MYH13: variants seen among roughly 807,000 people sequenced by gnomAD.
MYH13 encodes the protein myosin-13.
Under a neutral mutation model 232.1 loss-of-function variants are expected in MYH13, and 177 were observed. The observed-to-expected ratio is 0.76, with a 90% confidence interval of 0.67 to 0.86. The LOEUF is 0.86. Among genes scored for constraint, MYH13 ranks in the 40% least tolerant of loss-of-function variants. The probability of loss-of-function intolerance (pLI) is 0.00; values close to 1 mark genes in which losing one functional copy is unlikely to be tolerated. For missense variants in MYH13, 2,246 were observed against 2,405.9 expected (o/e 0.93, Z 1.39); for synonymous variants, 884 against 923.5 (o/e 0.96, Z 0.78).
chr17:10,367,540 GT>G (rs2071847020), intron 2 of MYH13, among the ~76,000 whole-genome samples: 1 of 151,992 alleles, frequency 6.6e-6, no homozygotes, highest in Non-Finnish European at 1.5e-5. Context: ...GTACAGACGG[GT>G]TTTCACCATG....
chr17:10,339,129 G>A (rs2071601372), intron 18 of MYH13, among the ~76,000 whole-genome samples: 2 of 150,470 alleles, frequency 1.3e-5, no homozygotes, highest in African/African-American at 4.9e-5. Context: ...CACTCATAAT[G>A]TTGCAGAGGC....
chr17:10,330,633 G>A, intron 20 of MYH13, 110 bp from the exon 21 acceptor site: 1 of 1,397,174 alleles, frequency 7.2e-7, no homozygotes, highest in Non-Finnish European at 9.5e-7. Flanking sequence ...TCAGAGCACG[G>A]CAGGGGCAGC....
At chr17:10,358,209 A>T (rs575225179) in intron 7 of MYH13, among the ~76,000 whole-genome samples, 1 of 152,298 alleles carries the variant, frequency 6.6e-6, no homozygotes, top group South Asian at 2.1e-4. Context: ...TTGTCTTCAG[A>T]AGGAGAAATA....
At chr17:10,345,121 C>G (rs2071652026) in intron 15 of MYH13, 81 bp downstream of exon 15, 2 of 1,610,070 alleles carry the variant, frequency 1.2e-6, no homozygotes, top group Non-Finnish European at 1.7e-6. Context: ...GGGCCCCAAT[C>G]TGTGAGCAGA....
chr17:10,330,395 C>T lies in MYH13; in HGVS notation c.2427G>A (p.Met809Ile), dbSNP rs1338939800. ...YLMRVEFKKM[M>I]ERRDSIFCIQ... ...GTGAGGGTCTGTGTCACCTCCTCTC[C>T]ATCATCTTCTTGAACTCCACCCGCA... is the stretch of plus-strand genomic sequence containing the variant. The change falls in exon 21 of 41, where the codon ATG becomes ATA. Residue 809 changes from methionine (M) to isoleucine (I), a missense_variant. Transcript: ENST00000252172. 1.9e-6 allele frequency: 3 copies of T among 1,613,622 alleles called. No individual in the cohort carries two copies. The highest frequency in any genetic ancestry group is 1.7e-5 in the Admixed American group (1 of 59,992).
In MYH13 at chr17:10,357,614, A is replaced by G. The variant is rs943369547; in HGVS notation, c.738+121T>C. The G allele has an allele frequency of 4.5e-5, 36 of 798,528 alleles. No individual in the cohort carries two copies. The East Asian group carries it at 5.6e-4, about 13-fold the overall frequency. 49.5% of individuals were successfully genotyped at this position (798,528 alleles called of 1,614,324 possible). ...ATTCCAGGTGGGTAGATTGATCTCA[A>G]TCACTTGGGGGTAGAAAAAGGCCCC... On this transcript the variant is annotated intron_variant, in intron 8 of 40. Coordinates refer to ENST00000252172, the MANE Select transcript of MYH13 (RefSeq NM_003802.3).
chr17:10,324,377 T>G, intron 22 of MYH13, 113 bp from the exon 23 acceptor site: 1 of 1,232,798 alleles, frequency 8.1e-7, no homozygotes, highest in Non-Finnish European at 1.1e-6. Flanking sequence ...AAATGGGTCA[T>G]GCACACACAT....
chr17:10,312,077 C>CTGGGAGATGACAAAGGGACA lies in MYH13; in HGVS notation c.4366-21_4366-2dup. On this transcript the variant is annotated splice_acceptor_variant, in intron 31 of 40. Transcript: ENST00000252172. LOFTEE classifies it high-confidence loss of function. ...GCTTTTGCTTCCACTCTGCAAGGAC[C>CTGGGAGATGACAAAGGGACA]TGGGAGATGACAAAGGGACATGGGA... 16 of 1,613,482 alleles carry CTGGGAGATGACAAAGGGACA rather than the reference C, an allele frequency of 9.9e-6. No homozygotes were observed. Among genetic ancestry groups the CTGGGAGATGACAAAGGGACA allele is most frequent in the Non-Finnish European group, 1.4e-5 (16 of 1,179,872 alleles).
intron 39 of MYH13, among the ~76,000 whole-genome samples, chr17:10,302,737 GAGGGAGTT>G (rs1188512711): frequency 6.6e-6 from 1 of 152,118 alleles, no homozygotes; most frequent in Non-Finnish European, 1.5e-5. Flanking sequence ...GGATGGAGTG[GAGGGAGTT>G]AGGGAGGGCT....
rs374021434 is a variant in MYH13 at position 10,306,416 on chromosome 17, G to A, written c.5466+43C>T. The A allele has an allele frequency of 5.6e-6, 9 of 1,612,876 alleles. No homozygotes were observed. Among genetic ancestry groups the A allele is most frequent in the African/African-American group, 5.3e-5 (4 of 74,816 alleles). ...CAGTTTCTGGACTGTGGTTCTGTCCGAGGCTGTCACTTTCAGAGTAACAGT... is the reference window on the plus strand; with the variant it reads ...CAGTTTCTGGACTGTGGTTCTGTCCAAGGCTGTCACTTTCAGAGTAACAGT... On this transcript the variant is annotated intron_variant, in intron 37 of 40. Coordinates refer to ENST00000252172, the MANE Select transcript of MYH13 (RefSeq NM_003802.3). The surrounding 1 kb of genome is among the most constrained non-coding windows in gnomAD (Gnocchi z 4.3).
intron 7 of MYH13, among the ~76,000 whole-genome samples, chr17:10,359,419 C>A (rs924588830): frequency 1.3e-5 from 2 of 152,174 alleles, no homozygotes; most frequent in African/African-American, 4.8e-5. Flanking sequence ...AGAGACCCTG[C>A]CCCTCCCCCA....
chr17:10,345,795 C>G (rs1354804463), intron 13 of MYH13, among the ~76,000 whole-genome samples, 179 bp from the exon 14 acceptor site: 1 of 151,996 alleles, frequency 6.6e-6, no homozygotes, highest in African/African-American at 2.4e-5. Context: ...GAGTTCAAGA[C>G]CATCCTGGCC....
intron 39 of MYH13, 21 bp from the exon 40 acceptor site, chr17:10,301,724 G>A: frequency 3.7e-6 from 6 of 1,611,568 alleles, no homozygotes; most frequent in Non-Finnish European, 5.1e-6. Context: ...GACAGAGGGG[G>A]TATGACGCTG....
rs932374795 is a variant in MYH13, at chr17:10,309,946, A to T, written c.4657-116T>A. 3.9e-3 allele frequency: 2,722 copies of T among 692,120 alleles called. 41 individuals are homozygous for T. In the African/African-American group the frequency reaches 0.043, roughly 11 times the overall value. 42.9% of individuals were successfully genotyped at this position (692,120 alleles called of 1,614,324 possible). Reference sequence around the variant, plus strand: ...GTTTTTTTAAAAAAATTAAATTTAAATTTTTTTTTTTTTTTGGTAGAGACA... The same window carrying T: ...GTTTTTTTAAAAAAATTAAATTTAATTTTTTTTTTTTTTTTGGTAGAGACA... On this transcript the variant is annotated intron_variant, in intron 33 of 40. Transcript: ENST00000252172.
chr17:10,319,552 A>G (rs1490229267), intron 26 of MYH13, among the ~76,000 whole-genome samples: 2 of 151,946 alleles, frequency 1.3e-5, no homozygotes, highest in East Asian at 1.9e-4. Context: ...AATTGGTGAA[A>G]AAACTTGGAA....
intron 33 of MYH13, 35 bp downstream of exon 33, chr17:10,311,068 C>T: frequency 6.2e-7 from 1 of 1,612,368 alleles, no homozygotes; most frequent in Non-Finnish European, 8.5e-7. Context: ...TCCCTGTCCT[C>T]CTGAATTTCT....
In MYH13 at chr17:10,315,798, G is replaced by A. The variant is rs764016914; in HGVS notation, c.3879C>T (p.His1293=). 1 of 1,613,904 alleles carries A rather than the reference G, an allele frequency of 6.2e-7. No individual in the cohort carries two copies. Among genetic ancestry groups the A allele is most frequent in the South Asian group, 1.1e-5 (1 of 91,072 alleles). ...TCAGAGACTCCTTCTCTTCCACTCG[G>A]TGGCTCAGCTCCCCTACCAAACAGA... ...RLQTQNGELS[H]RVEEKESLIS... is the part of the protein sequence containing the mutation. Residue 1293 remains histidine (H), a synonymous_variant, in exon 29 of 41, where the codon CAC becomes CAT. Transcript: ENST00000252172.
intron 22 of MYH13, 138 bp from the exon 23 acceptor site, chr17:10,324,402 A>C (rs1907121583): frequency 9.8e-6 from 9 of 921,846 alleles, no homozygotes; most frequent in Non-Finnish European, 1.5e-5. Context: ...GCACATGTGC[A>C]CACACTGCAC....
In MYH13 at chr17:10,306,834, C is replaced by A; in HGVS notation, c.5295+105G>T. On this transcript the variant is annotated intron_variant, in intron 36 of 40. Coordinates refer to ENST00000252172, the MANE Select transcript of MYH13 (RefSeq NM_003802.3). This position sits in a 1 kb window ranked among gnomAD's most constrained non-coding sequence, Gnocchi z 4.3. The stretch of plus-strand genomic sequence containing the variant: ...CATCTGTCTGGGAAGCCACCACTAA[C>A]CGATTGTTGTCATAAGAGATGAAAC... The A allele has an allele frequency of 6.3e-7, 1 of 1,576,118 alleles. No individual in the cohort carries two copies.
Sources: allele counts gnomAD v4.1 joint callset (sites outside exome capture counted in the v4.1 genomes callset), GRCh38; gene constraint gnomAD v4.1.1; non-coding constraint Gnocchi (gnomAD v3.1); transcripts MANE v1.5; gene names NCBI Gene and HGNC (gene_info 2026-07-23, HGNC 2026-07-21).